Variants in MAGI2 observed in about 807,000 individuals in gnomAD.
MAGI2 encodes membrane associated guanylate kinase, WW and PDZ domain containing 2.
In MAGI2, 35 loss-of-function variants were observed where a neutral mutation model predicts 133.3. The ratio of observed to expected loss-of-function variants is 0.26; its 90% confidence interval spans 0.20 to 0.35. MAGI2 has a LOEUF of 0.35. Among genes scored for constraint, MAGI2 ranks in the 10% least tolerant of loss-of-function variants. MAGI2 has a pLI of 1.00. For missense variants in MAGI2, 1,636 were observed against 1,863.4 expected, an observed-to-expected ratio of 0.88 and a Z score of 2.25; for synonymous variants, 729 against 710.6, an observed-to-expected ratio of 1.03 and a Z score of -0.41.
In MAGI2 at chr7:78,678,672, T is replaced by C. The variant is rs529930584; in HGVS notation, c.419-51433A>G. Among the ~76,000 whole-genome samples, 25 of 152,274 alleles carry C rather than the reference T, an allele frequency of 1.6e-4. 1 individual carries two copies. Among genetic ancestry groups the C allele is most frequent in the Middle Eastern group, 6.8e-3 (2 of 294 alleles). On this transcript the variant is annotated intron_variant, in intron 2 of 21. Transcript: ENST00000354212. ...CTTTATCAGTTTTCCTGTTGATTCCTTGAGTGGTGAGTTACCACAGTCCTT... is the reference window on the plus strand; with the variant it reads ...CTTTATCAGTTTTCCTGTTGATTCCCTGAGTGGTGAGTTACCACAGTCCTT...
At chr7:79,273,165 A>G (rs1158590596) in intron 1 of MAGI2, among the ~76,000 whole-genome samples, 1 of 152,040 alleles carries the variant, frequency 6.6e-6, no homozygotes, top group Non-Finnish European at 1.5e-5. Flanking sequence ...AAGATAACAG[A>G]GTCTTACGTA....
intron 1 of MAGI2, among the ~76,000 whole-genome samples, chr7:79,354,968 T>C (rs1841929063): frequency 6.6e-6 from 1 of 152,192 alleles, no homozygotes; most frequent in South Asian, 2.1e-4. Flanking sequence ...GATCACTATC[T>C]TTCATGGTGC....
chr7:78,725,796 C>T (rs1373367190), intron 2 of MAGI2, among the ~76,000 whole-genome samples: 1 of 150,902 alleles, frequency 6.6e-6, no homozygotes, highest in Non-Finnish European at 1.5e-5. Context: ...GAAACTCGGT[C>T]TCAATACAAC....
chr7:78,200,344 A>G (rs1218890246), intron 11 of MAGI2, among the ~76,000 whole-genome samples: 1 of 152,204 alleles, frequency 6.6e-6, no homozygotes, highest in East Asian at 1.9e-4. Flanking sequence ...GACCACCTCT[A>G]ACTGCTAAGC....
At chr7:78,588,110 CAT>C (rs1423007912) in intron 3 of MAGI2, among the ~76,000 whole-genome samples, 1 of 152,142 alleles carries the variant, frequency 6.6e-6, no homozygotes, top group African/African-American at 2.4e-5. Context: ...TGAAATAAAA[CAT>C]TGCTGAACAA....
At chr7:78,945,240 T>G (rs2151689510) in intron 2 of MAGI2, among the ~76,000 whole-genome samples, 1 of 151,968 alleles carries the variant, frequency 6.6e-6, no homozygotes, top group East Asian at 1.9e-4. Flanking sequence ...TTTTGTATTT[T>G]TAGTAGAGAT....
intron 3 of MAGI2, among the ~76,000 whole-genome samples, chr7:78,625,321 G>C (rs1808230429): frequency 6.6e-6 from 1 of 151,658 alleles, no homozygotes; most frequent in Non-Finnish European, 1.5e-5. Context: ...CATAATTTAA[G>C]TATAGTAATT....
chr7:78,315,625 T>C (rs1787335503), intron 9 of MAGI2, among the ~76,000 whole-genome samples: 1 of 152,192 alleles, frequency 6.6e-6, no homozygotes, highest in Non-Finnish European at 1.5e-5. Context: ...AAGAGTATTA[T>C]CATTCTCAGC....
intron 1 of MAGI2, among the ~76,000 whole-genome samples, chr7:79,335,437 A>G (rs1289995313): frequency 6.6e-6 from 1 of 152,088 alleles, no homozygotes; most frequent in Non-Finnish European, 1.5e-5. Flanking sequence ...TGGAAAATGT[A>G]CAGTATAAAT....
At chr7:78,591,421 T>C (rs962638631) in intron 3 of MAGI2, among the ~76,000 whole-genome samples, 2 of 152,114 alleles carry the variant, frequency 1.3e-5, no homozygotes, top group Admixed American at 6.5e-5. Context: ...CAAGAATATA[T>C]TGAGAAAGGG....
At chr7:79,292,813 G>A (rs1303725226) in intron 1 of MAGI2, among the ~76,000 whole-genome samples, 1 of 121,754 alleles carries the variant, frequency 8.2e-6, no homozygotes, top group Non-Finnish European at 1.6e-5. Flanking sequence ...CAGCTCCTCA[G>A]CTGTCATTTT....
At chr7:78,202,979 A>C (rs971372519) in intron 10 of MAGI2, among the ~76,000 whole-genome samples, 5 of 152,224 alleles carry the variant, frequency 3.3e-5, no homozygotes, top group Admixed American at 1.3e-4. Flanking sequence ...CATTCTATAA[A>C]ATACCAATGA....
intron 2 of MAGI2, among the ~76,000 whole-genome samples, chr7:78,905,823 C>T (rs1797956331): frequency 6.6e-6 from 1 of 152,012 alleles, no homozygotes; most frequent in Non-Finnish European, 1.5e-5. Context: ...GGGTCACATA[C>T]CAAAAACATG....
chr7:79,046,306 GAC>G (rs146147281), intron 1 of MAGI2, among the ~76,000 whole-genome samples: 2 of 152,174 alleles, frequency 1.3e-5, no homozygotes, highest in African/African-American at 4.8e-5. Flanking sequence ...CTTAAAGGAA[GAC>G]ACACACACAG....
chr7:79,409,926 C>T (rs1846039038), intron 1 of MAGI2: 1 of 152,024 alleles, frequency 6.6e-6, no homozygotes. Flanking sequence ...AGCTGTTTGA[C>T]ATATGTTAGA....
intron 1 of MAGI2, among the ~76,000 whole-genome samples, chr7:79,017,148 A>T (rs531384562): frequency 6.6e-6 from 1 of 152,328 alleles, no homozygotes; most frequent in South Asian, 2.1e-4. Flanking sequence ...TCCTGCTGCC[A>T]CTGCCCTATG....
intron 21 of MAGI2, among the ~76,000 whole-genome samples, chr7:78,070,121 A>ACG (rs1814340248): frequency 9.3e-6 from 1 of 107,386 alleles, no homozygotes. Flanking sequence ...ACACACACAC[A>ACG]CACACATATA....
chr7:79,256,953 G>A (rs1171055893), intron 1 of MAGI2, among the ~76,000 whole-genome samples: 1 of 152,144 alleles, frequency 6.6e-6, no homozygotes, highest in East Asian at 1.9e-4. Context: ...TTAGAAAGGA[G>A]TAAGTTCAAG....
intron 2 of MAGI2, among the ~76,000 whole-genome samples, chr7:78,667,645 G>C (rs1300875617): frequency 6.6e-6 from 1 of 150,846 alleles, no homozygotes; most frequent in Non-Finnish European, 1.5e-5. Context: ...GCAGTGTTTG[G>C]TTTTTTGTCC....
Sources: allele counts gnomAD v4.1 joint callset (sites outside exome capture counted in the v4.1 genomes callset), GRCh38; gene constraint gnomAD v4.1.1; transcripts MANE v1.5; gene names NCBI Gene and HGNC (gene_info 2026-07-23, HGNC 2026-07-21).